The following SLC7A1 variants were observed in gnomAD, a reference collection of about 807,000 sequenced individuals.
SLC7A1 encodes the protein high affinity cationic amino acid transporter 1.
SLC7A1 carries 10 observed loss-of-function variants against 53.9 expected under a neutral mutation model. The ratio of observed to expected loss-of-function variants is 0.19; its 90% CI spans 0.11 to 0.31. The LOEUF (loss-of-function observed/expected upper bound fraction) is 0.31, where lower values mean the gene tolerates loss of function less well. Among genes scored for constraint, SLC7A1 ranks in the 10% least tolerant of loss-of-function variants. The probability of loss-of-function intolerance (pLI) is 1.00; values close to 1 mark genes in which losing one functional copy is unlikely to be tolerated. For missense variants in SLC7A1, 525 were observed against 827.2 expected (o/e 0.63, Z 4.48); for synonymous variants, 342 against 338.7 (o/e 1.01, Z -0.11).
At position 29,535,671 on chromosome 13, in the gene SLC7A1, C is replaced by A. The variant is rs1018681; in HGVS notation, c.370+148G>T. On this transcript the variant is annotated intron_variant, in intron 3 of 12. Coordinates refer to ENST00000380752, the MANE Select transcript of SLC7A1 (RefSeq NM_003045.5). ...AAAACCTACTAAAAGAAACTAAATACCTCTAAATGAATCAGAAACATCCTA... is the reference window on the plus strand; with the variant it reads ...AAAACCTACTAAAAGAAACTAAATAACTCTAAATGAATCAGAAACATCCTA... 5,020 of 777,578 alleles carry A rather than the reference C, an allele frequency of 6.5e-3. 182 individuals are homozygous for A. In the African/African-American group the frequency reaches 0.079, roughly 12 times the overall value. 48.2% of individuals were successfully genotyped at this position (777,578 alleles called of 1,614,324 possible).
At chr13:29,553,365 A>C (rs919352912) in intron 2 of SLC7A1, among the ~76,000 whole-genome samples, 1 of 152,162 alleles carries the variant, frequency 6.6e-6, no homozygotes, top group Non-Finnish European at 1.5e-5. Context: ...ACAGAGCACG[A>C]GACACAGCGC....
At chr13:29,574,516 T>C (rs1871328487) in intron 1 of SLC7A1, among the ~76,000 whole-genome samples, 1 of 152,070 alleles carries the variant, frequency 6.6e-6, no homozygotes, top group Non-Finnish European at 1.5e-5. Flanking sequence ...GTGGAACACA[T>C]GAATACATGA....
In SLC7A1 at chr13:29,510,698, G is replaced by GCCC. The variant is rs1883362468; in HGVS notation, c.*3781_*3782insGGG. On this transcript the variant is annotated 3_prime_UTR_variant, in exon 13 of 13. Transcript: ENST00000380752. Reference sequence around the variant, plus strand: ...CTCACACACCCCAGAACGCAGCTGTGCTGGAGTTGGGCACAAAGGCCCCTC... The same window carrying GCCC: ...CTCACACACCCCAGAACGCAGCTGTGCCCCTGGAGTTGGGCACAAAGGCCCCTC... 1 of 152,236 alleles carries GCCC rather than the reference G, an allele frequency of 6.6e-6. No homozygotes were observed. The highest frequency in any genetic ancestry group is 6.5e-5 in the Admixed American group (1 of 15,282). The allele number at this position is 152,236 out of a possible 1,614,324, so 9.4% of individuals were successfully genotyped here. A position where few individuals can be genotyped will look rare whatever the true frequency, so the allele number is the denominator to read the frequency against.
chr13:29,547,655 T>C (rs1055306381), intron 2 of SLC7A1, among the ~76,000 whole-genome samples: 7 of 152,232 alleles, frequency 4.6e-5, no homozygotes, highest in African/African-American at 9.6e-5. Context: ...GTAATGCTTC[T>C]GAATTAAGGG....
At position 29,510,367 on chromosome 13, in the gene SLC7A1, G is replaced by A. The variant is rs1309880668; in HGVS notation, c.*4113C>T. 6.6e-6 allele frequency: 1 copy of A among 152,646 alleles called. No individual in the cohort carries two copies. Among genetic ancestry groups the A allele is most frequent in the African/African-American group, 2.4e-5 (1 of 41,452 alleles). The allele number at this position is 152,646 out of a possible 1,614,324, so 9.5% of individuals were successfully genotyped here. ...AGTCATAAGCGTGATGACACATGGA[G>A]TGTAGCTTCTTGCACCACTGGATCA... On this transcript the variant is annotated 3_prime_UTR_variant, in exon 13 of 13. Coordinates refer to ENST00000380752, the MANE Select transcript of SLC7A1 (RefSeq NM_003045.5).
intron 12 of SLC7A1, 49 bp downstream of exon 12, chr13:29,516,089 C>T (rs1422572692): frequency 4.3e-6 from 5 of 1,174,710 alleles, no homozygotes; most frequent in Middle Eastern, 1.9e-4. Flanking sequence ...CAAGGGAGAC[C>T]CCCAGGGGAA....
intron 9 of SLC7A1, 51 bp downstream of exon 9, chr13:29,519,396 T>C (rs1189138751): frequency 1.9e-6 from 2 of 1,066,414 alleles, no homozygotes; most frequent in East Asian, 2.4e-5. Flanking sequence ...GTGAAAAGGC[T>C]ACCAGGTGCA....
intron 5 of SLC7A1, among the ~76,000 whole-genome samples, chr13:29,525,072 C>T (rs1051605965): frequency 6.6e-6 from 1 of 152,240 alleles, no homozygotes; most frequent in Non-Finnish European, 1.5e-5. Flanking sequence ...CCTGTCCCCC[C>T]ACATGCTGTG....
chr13:29,561,139 G>A (rs774468809), intron 1 of SLC7A1, among the ~76,000 whole-genome samples: 2 of 152,146 alleles, frequency 1.3e-5, no homozygotes, highest in African/African-American at 2.4e-5. Flanking sequence ...AGGAGTTAAT[G>A]TTCTATTAAT....
chr13:29,570,516 G>A (rs1871146856), intron 1 of SLC7A1, among the ~76,000 whole-genome samples: 1 of 152,182 alleles, frequency 6.6e-6, no homozygotes, highest in African/African-American at 2.4e-5. Flanking sequence ...GAGACAGTGA[G>A]ACAGATAGAA....
intron 2 of SLC7A1, among the ~76,000 whole-genome samples, chr13:29,538,211 C>T (rs911534582): frequency 1.3e-5 from 2 of 152,152 alleles, no homozygotes; most frequent in African/African-American, 2.4e-5. Context: ...GCTCTGCAGG[C>T]GCAGTCCTCC....
chr13:29,554,160 A>G (rs1213726529), intron 1 of SLC7A1, among the ~76,000 whole-genome samples: 1 of 152,228 alleles, frequency 6.6e-6, no homozygotes, highest in African/African-American at 2.4e-5. Flanking sequence ...TCACACCGGC[A>G]ATTTCCACAA....
chr13:29,595,285 A>T (rs1872264310), intron 1 of SLC7A1, 131 bp downstream of exon 1: 1 of 151,716 alleles, frequency 6.6e-6, no homozygotes, highest in African/African-American at 2.4e-5. Flanking sequence ...AGAGGATGGC[A>T]GCGTTCCCGG....
intron 5 of SLC7A1, among the ~76,000 whole-genome samples, chr13:29,529,896 G>A (rs1869072656): frequency 6.6e-6 from 1 of 152,128 alleles, no homozygotes; most frequent in South Asian, 2.1e-4. Context: ...CTTTCAATGA[G>A]GGCTGGGCGA....
chr13:29,534,060 C>T (rs1436299371), intron 3 of SLC7A1, among the ~76,000 whole-genome samples: 2 of 152,104 alleles, frequency 1.3e-5, no homozygotes, highest in Non-Finnish European at 2.9e-5. Context: ...ATGGTCTCAC[C>T]ATCTCCCTGT....
rs138045847 is a variant in SLC7A1, at chr13:29,516,346, G to A, written c.1678-100C>T. On this transcript the variant is annotated intron_variant, in intron 11 of 12. Coordinates refer to ENST00000380752, the MANE Select transcript of SLC7A1 (RefSeq NM_003045.5). ...AGGCAGCACAACTGAGAGTGACAGG[G>A]ACCGTCGGGCGAGTGTGGGGAAGAG... 1.3e-3 allele frequency: 951 copies of A among 759,612 alleles called. 6 individuals carry two copies. The African/African-American group carries it at 0.014, about 11-fold the overall frequency. The allele number at this position is 759,612 out of a possible 1,614,324, so 47.1% of individuals were successfully genotyped here. A position where few individuals can be genotyped will look rare whatever the true frequency, so the allele number is the denominator to read the frequency against.
chr13:29,564,422 T>G (rs1870883782), intron 1 of SLC7A1, among the ~76,000 whole-genome samples: 1 of 152,158 alleles, frequency 6.6e-6, no homozygotes, highest in South Asian at 2.1e-4. Context: ...GCTTCACATG[T>G]GAAAAAACCA....
chr13:29,553,618 T>G (rs967125880), intron 2 of SLC7A1, 143 bp downstream of exon 2: 1 of 152,122 alleles, frequency 6.6e-6, no homozygotes, highest in African/African-American at 2.4e-5. Flanking sequence ...CATTTGGAAA[T>G]CTAAAAAAGA....
At chr13:29,563,452 A>G (rs1870844724) in intron 1 of SLC7A1, among the ~76,000 whole-genome samples, 1 of 152,244 alleles carries the variant, frequency 6.6e-6, no homozygotes, top group Non-Finnish European at 1.5e-5. Flanking sequence ...ATTTACAGGA[A>G]AGCGAAACTC....
Sources: gnomAD v4.1 joint callset for allele counts (sites outside exome capture counted in the v4.1 genomes callset) on GRCh38, gnomAD v4.1.1 for gene constraint, MANE v1.5 for transcripts, NCBI Gene and HGNC (gene_info 2026-07-23, HGNC 2026-07-21) for gene names.